JARID2: variants seen among roughly 807,000 people sequenced by gnomAD.
JARID2 encodes jumonji and AT-rich interaction domain containing 2, also known as protein Jumonji.
In JARID2, 21 loss-of-function variants were observed where a neutral mutation model predicts 125.6. That is an observed-to-expected ratio of 0.17 (90% CI 0.12 to 0.24). The LOEUF (loss-of-function observed/expected upper bound fraction) is 0.24. Ranked by LOEUF, JARID2 falls within the 10% of genes least tolerant of loss-of-function variation. The pLI is 1.00. For missense variants in JARID2, 1,303 were observed against 1,639.6 expected (o/e 0.79, Z 3.55); for synonymous variants, 736 against 661.6 (o/e 1.11, Z -1.73).
At chr6:15,378,968 G>A (rs141454586) in intron 2 of JARID2, among the ~76,000 whole-genome samples, 198 of 152,248 alleles carry the variant, frequency 1.3e-3, no homozygotes, top group African/African-American at 4.5e-3. Context: ...GAAGGGGGTC[G>A]GGTATCTGAT....
intron 5 of JARID2, among the ~76,000 whole-genome samples, chr6:15,481,672 T>C (rs993628613): frequency 1.3e-5 from 2 of 152,230 alleles, no homozygotes; most frequent in Non-Finnish European, 2.9e-5. Flanking sequence ...GATTTGACTT[T>C]CTGGCTATGT....
At chr6:15,255,839 T>C (rs1431927842) in intron 1 of JARID2, among the ~76,000 whole-genome samples, 1 of 152,206 alleles carries the variant, frequency 6.6e-6, no homozygotes, top group Admixed American at 6.5e-5. Context: ...ATATGCCTTA[T>C]TACTGCTACT....
chr6:15,457,032 T>A (rs1768214144), intron 4 of JARID2, among the ~76,000 whole-genome samples: 1 of 152,162 alleles, frequency 6.6e-6, no homozygotes, highest in African/African-American at 2.4e-5. Context: ...ACCTTGTTTG[T>A]GACTATTTTA....
intron 1 of JARID2, among the ~76,000 whole-genome samples, chr6:15,259,572 AGAATGGTG>A (rs1294141646): frequency 1.3e-5 from 2 of 152,204 alleles, no homozygotes; most frequent in African/African-American, 4.8e-5. Context: ...AGATGCCAAA[AGAATGGTG>A]GACTTGGCTT....
At chr6:15,461,477 T>C (rs1768445649) in intron 4 of JARID2, among the ~76,000 whole-genome samples, 1 of 152,126 alleles carries the variant, frequency 6.6e-6, no homozygotes, top group South Asian at 2.1e-4. Flanking sequence ...AGACTGGCCA[T>C]GCATCTAGGA....
rs1581401653 is a variant in JARID2 at position 15,314,203 on chromosome 6, C to G, written c.46-59914C>G. On this transcript the variant is annotated intron_variant, in intron 1 of 17. Transcript: ENST00000341776. Reference sequence around the variant, plus strand: ...AGGTTGCTGTGGCTCCTGTTTCCCCCACTCCTGTGGTCTCCTGCTGTGATT... The same window carrying G: ...AGGTTGCTGTGGCTCCTGTTTCCCCGACTCCTGTGGTCTCCTGCTGTGATT... Among the ~76,000 whole-genome samples, 4 of 152,310 alleles carry G rather than the reference C, an allele frequency of 2.6e-5. No individual in the cohort carries two copies. In the South Asian group the frequency reaches 8.3e-4, roughly 32 times the overall value.
intron 1 of JARID2, among the ~76,000 whole-genome samples, chr6:15,310,171 G>A (rs570635425): frequency 1.4e-4 from 21 of 152,190 alleles, no homozygotes; most frequent in Admixed American, 3.9e-4. Context: ...CAGAGGTGCC[G>A]CACAAATGCC....
chr6:15,462,532 G>A (rs146543368), intron 4 of JARID2, among the ~76,000 whole-genome samples: 6 of 152,242 alleles, frequency 3.9e-5, no homozygotes, highest in Admixed American at 6.5e-5. Context: ...TCTTCTATCC[G>A]TTGCCCAAGT....
At chr6:15,263,954 G>A (rs538378635) in intron 1 of JARID2, among the ~76,000 whole-genome samples, 2 of 152,246 alleles carry the variant, frequency 1.3e-5, no homozygotes, top group African/African-American at 4.8e-5. Context: ...GTGCCGTGAC[G>A]TGAACGCAGC....
At chr6:15,480,845 G>A (rs2127704840) in intron 5 of JARID2, among the ~76,000 whole-genome samples, 1 of 152,284 alleles carries the variant, frequency 6.6e-6, no homozygotes, top group Admixed American at 6.5e-5. Flanking sequence ...CATGGAGTGA[G>A]GGTATTAAAA....
At position 15,410,280 on chromosome 6, in the gene JARID2, A is replaced by C. The variant is rs1160974104; in HGVS notation, c.238A>C (p.Asn80His). 6.2e-7 allele frequency: 1 copy of C among 1,614,118 alleles called. No individual in the cohort carries two copies. Among genetic ancestry groups the C allele is most frequent in the Admixed American group, 1.7e-5 (1 of 60,014 alleles). Reference protein sequence around the residue: ...GLGPASEQSENEKDDASQVSS... With the variant: ...GLGPASEQSEHEKDDASQVSS... ...AGGACCAGCATCAGAACAGTCAGAGAATGAAAAGGACGATGCATCCCAAGT... is the reference window on the plus strand; with the variant it reads ...AGGACCAGCATCAGAACAGTCAGAGCATGAAAAGGACGATGCATCCCAAGT... Residue 80 changes from asparagine to histidine, a missense_variant, in exon 3 of 18, where the codon AAT becomes CAT. Asn to His is a moderately conservative substitution (Grantham distance 68). Coordinates refer to ENST00000341776, the MANE Select transcript of JARID2 (RefSeq NM_004973.4).
chr6:15,507,133 C>T lies in JARID2; in HGVS notation c.2542-3C>T. ...CTGACCAGCCCTTTCCTGTTCCCTG[C>T]AGCAAGAGTACTGGAGGCTAGTGGA... is the stretch of plus-strand genomic sequence containing the variant. On this transcript the variant is annotated splice_region_variant and splice_polypyrimidine_tract_variant and intron_variant, in intron 9 of 17. Transcript: ENST00000341776. The T allele has an allele frequency of 4.4e-6, 7 of 1,593,996 alleles. No homozygotes were observed. The highest frequency in any genetic ancestry group is 5.2e-6 in the Non-Finnish European group (6 of 1,161,730).
At chr6:15,293,041 A>G (rs1243059388) in intron 1 of JARID2, among the ~76,000 whole-genome samples, 1 of 152,216 alleles carries the variant, frequency 6.6e-6, no homozygotes, top group Non-Finnish European at 1.5e-5. Flanking sequence ...TGTAAATGCA[A>G]CTATAAAAAG....
chr6:15,402,243 C>T (rs1469741442), intron 2 of JARID2, among the ~76,000 whole-genome samples: 1 of 152,184 alleles, frequency 6.6e-6, no homozygotes, highest in East Asian at 1.9e-4. Context: ...CTTTATGGCA[C>T]TTGTCGATCG....
At chr6:15,286,545 C>T (rs898157826) in intron 1 of JARID2, among the ~76,000 whole-genome samples, 6 of 151,314 alleles carry the variant, frequency 4.0e-5, no homozygotes, top group African/African-American at 1.5e-4. Context: ...GTACAGTGCC[C>T]GGCTCATTGC....
intron 5 of JARID2, among the ~76,000 whole-genome samples, chr6:15,475,991 T>G (rs1769324087): frequency 6.6e-6 from 1 of 152,202 alleles, no homozygotes; most frequent in East Asian, 1.9e-4. Context: ...GCAAGCTGGT[T>G]GTTTTGTGAC....
intron 1 of JARID2, among the ~76,000 whole-genome samples, chr6:15,318,158 C>T (rs928765093): frequency 2.0e-5 from 3 of 151,994 alleles, no homozygotes; most frequent in Non-Finnish European, 2.9e-5. Flanking sequence ...TACAGTGAAT[C>T]GAGAACCCTG....
intron 3 of JARID2, among the ~76,000 whole-genome samples, chr6:15,418,485 T>A (rs560442271): frequency 3.3e-5 from 5 of 152,320 alleles, no homozygotes; most frequent in African/African-American, 1.2e-4. Flanking sequence ...AGTTCTGGGA[T>A]TACAGGCATA....
intron 1 of JARID2, among the ~76,000 whole-genome samples, chr6:15,303,932 G>C (rs940211126): frequency 6.6e-6 from 1 of 152,134 alleles, no homozygotes; most frequent in Non-Finnish European, 1.5e-5. Context: ...TAGTGGTTGG[G>C]AGCACTGGGT....
Sources: gnomAD v4.1 joint callset for allele counts (sites outside exome capture counted in the v4.1 genomes callset) on GRCh38, gnomAD v4.1.1 for gene constraint, MANE v1.5 for transcripts, NCBI Gene and HGNC (gene_info 2026-07-23, HGNC 2026-07-21) for gene names.